The following DPP6 variants were observed in gnomAD, a reference collection of about 807,000 sequenced individuals.
DPP6 encodes the protein dipeptidyl peptidase like 6.
In DPP6, 69 loss-of-function variants were observed where a neutral mutation model predicts 122.6. The ratio of observed to expected loss-of-function variants is 0.56; its 90% CI spans 0.46 to 0.69. The LOEUF (loss-of-function observed/expected upper bound fraction) is 0.69, where lower values mean the gene tolerates loss of function less well. Ranked by LOEUF, DPP6 falls within the 30% of genes least tolerant of loss-of-function variation. The pLI is 0.00. For missense variants in DPP6, 928 were observed against 1,116.9 expected (o/e 0.83, Z 2.41); for synonymous variants, 418 against 433.1 (o/e 0.97, Z 0.43).
In DPP6 at chr7:154,581,259, G is replaced by T. The variant is rs184876155; in HGVS notation, c.627+14343G>T. On this transcript the variant is annotated intron_variant, in intron 5 of 25. Transcript: ENST00000377770. ...GAAGGCAGAGGTTAGTTGTTTGATC[G>T]TGCACTTGGGGAAGGTGGAGGGAGA... 2.9e-3 allele frequency among the ~76,000 whole-genome samples: 435 copies of T among 152,252 alleles called. 1 individual carries two copies. Among genetic ancestry groups the T allele is most frequent in the African/African-American group, 9.8e-3 (406 of 41,560 alleles).
chr7:154,037,088 C>T (rs1299093920), intron 1 of DPP6, among the ~76,000 whole-genome samples: 1 of 152,106 alleles, frequency 6.6e-6, no homozygotes, highest in South Asian at 2.1e-4. Context: ...AGTCTCTGAT[C>T]CAGACATTTG....
rs146051425 is a variant in DPP6 at position 154,803,781 on chromosome 7, G to A, written c.1408-83G>A. ...AGAATGGCAGCCCCTGTCACCTGGT[G>A]TCCAAAACAGTTGGAGGATGAAGAG... On this transcript the variant is annotated intron_variant, in intron 13 of 25. Coordinates refer to ENST00000377770, the MANE Select transcript of DPP6 (RefSeq NM_130797.4). The A allele has an allele frequency of 9.6e-5, 146 of 1,523,466 alleles. No individual in the cohort carries two copies. In the East Asian group the frequency reaches 3.3e-3, roughly 35 times the overall value. 94.4% of individuals were successfully genotyped at this position (1,523,466 alleles called of 1,614,324 possible).
chr7:153,835,510 G>A, the DPP6 span, among the ~76,000 whole-genome samples: 1 of 152,016 alleles, frequency 6.6e-6, no homozygotes, highest in African/African-American at 2.4e-5. Context: ...ATAAGATTCT[G>A]TGAACCAAAT....
At chr7:154,823,793 A>G (rs369629112) in intron 16 of DPP6, among the ~76,000 whole-genome samples, 13 of 152,300 alleles carry the variant, frequency 8.5e-5, no homozygotes, top group African/African-American at 3.1e-4. Flanking sequence ...TTCTTCTCTG[A>G]TACTGACTCA....
chr7:154,713,965 A>C (rs536819627), intron 7 of DPP6, among the ~76,000 whole-genome samples: 1 of 152,338 alleles, frequency 6.6e-6, no homozygotes, highest in Non-Finnish European at 1.5e-5. Flanking sequence ...TGTTATTTAC[A>C]AATTTCTTCC....
chr7:154,257,891 G>C (rs1253959663), intron 1 of DPP6, among the ~76,000 whole-genome samples: 1 of 152,144 alleles, frequency 6.6e-6, no homozygotes, highest in Non-Finnish European at 1.5e-5. Flanking sequence ...GGCTTCTGTT[G>C]GTTAGCAGAG....
At chr7:154,431,617 C>T (rs902934374) in intron 1 of DPP6, among the ~76,000 whole-genome samples, 1 of 150,300 alleles carries the variant, frequency 6.7e-6, no homozygotes, top group African/African-American at 2.5e-5. Flanking sequence ...TCACCACAAC[C>T]TCTACCTCCC....
intron 10 of DPP6, among the ~76,000 whole-genome samples, chr7:154,778,252 A>T (rs1020486417): frequency 1.3e-5 from 2 of 152,118 alleles, no homozygotes; most frequent in Non-Finnish European, 2.9e-5. Flanking sequence ...TGTGAGCACC[A>T]TGTGGAGACC....
chr7:154,118,122 T>C (rs1246903550), intron 1 of DPP6, among the ~76,000 whole-genome samples: 22 of 149,874 alleles, frequency 1.5e-4, no homozygotes, highest in Non-Finnish European at 4.4e-5. Context: ...AAGCTGTGCA[T>C]GATGATAAGG....
chr7:154,892,560 C>G lies in DPP6; in HGVS notation c.*80C>G. 1 of 1,556,738 alleles carries G rather than the reference C, an allele frequency of 6.4e-7. No homozygotes were observed. Among genetic ancestry groups the G allele is most frequent in the Non-Finnish European group, 8.7e-7 (1 of 1,146,742 alleles). On this transcript the variant is annotated 3_prime_UTR_variant, in exon 26 of 26. Transcript: ENST00000377770. ...GGGATTTCCCTGCCCTCCCTCTTCC[C>G]TCGGAGGGGCGGGGCGGGGCGGGGC...
chr7:153,952,158 A>G lies in DPP6; in HGVS notation c.51+64424A>G, dbSNP rs192615768. Among the ~76,000 whole-genome samples the G allele has an allele frequency of 4.6e-5, 7 of 152,348 alleles. No homozygotes were observed. The East Asian group carries it at 1.4e-3, about 29-fold the overall frequency. ...TTGTGGTAGAATGTAGACCTCTTAA[A>G]TACAAGACCCAGCTCCTGTTAGCCT... On this transcript the variant is annotated intron_variant, in intron 1 of 25. Transcript: ENST00000404039.
chr7:154,710,929 A>T (rs1359003410), intron 7 of DPP6, among the ~76,000 whole-genome samples: 1 of 152,218 alleles, frequency 6.6e-6, no homozygotes, highest in East Asian at 1.9e-4. Flanking sequence ...TCGCCCTATA[A>T]ATTATGTTCT....
At chr7:154,391,566 T>C (rs1234886637) in intron 1 of DPP6, among the ~76,000 whole-genome samples, 1 of 152,216 alleles carries the variant, frequency 6.6e-6, no homozygotes, top group Non-Finnish European at 1.5e-5. Flanking sequence ...CCTCCCTTAG[T>C]CCATCATTTG....
rs563389830 is a variant in DPP6, at chr7:154,852,105, C to T, written c.1667-1675C>T. ...TCTTTGGGCCCTGGACTAGGGTGTC[C>T]ACTCTGGGGCCTCTGCAGTGAGGCC... On this transcript the variant is annotated intron_variant, in intron 16 of 25. Transcript: ENST00000377770. Among the ~76,000 whole-genome samples, 20 of 152,308 alleles carry T rather than the reference C, an allele frequency of 1.3e-4. 1 individual carries two copies. In the South Asian group the frequency reaches 4.1e-3, roughly 32 times the overall value.
chr7:154,203,208 T>C (rs183992716), intron 1 of DPP6, among the ~76,000 whole-genome samples: 30 of 152,286 alleles, frequency 2.0e-4, no homozygotes, highest in Middle Eastern at 3.4e-3. Context: ...GCAGCTAGCA[T>C]TTAGAGTGCA....
intron 5 of DPP6, among the ~76,000 whole-genome samples, chr7:154,622,370 C>G (rs1365292732): frequency 6.6e-6 from 1 of 152,074 alleles, no homozygotes; most frequent in Non-Finnish European, 1.5e-5. Context: ...AGGTGGAGGC[C>G]CAATTGACCC....
Position 154,307,939 on chromosome 7 carries a change from G to A in DPP6, c.244-138275G>A, listed in dbSNP as rs145749302. Among the ~76,000 whole-genome samples, 866 of 151,514 alleles carry A rather than the reference G, an allele frequency of 5.7e-3. 7 individuals carry two copies. The highest frequency in any genetic ancestry group is 0.02 in the African/African-American group (830 of 41,300). On this transcript the variant is annotated intron_variant, in intron 1 of 25. Transcript: ENST00000377770. ...TTTGTGGATTGGTTTTGAAGCAGGG[G>A]GTCATTAAACTGTGCTAACTCAATG...
chr7:154,663,831 G>A (rs1215025720), intron 6 of DPP6, among the ~76,000 whole-genome samples: 1 of 123,760 alleles, frequency 8.1e-6, no homozygotes, highest in African/African-American at 2.7e-5. Context: ...TGGCGTATTG[G>A]GCGTAGTATT....
At chr7:154,005,810 T>C (rs1411215379) in intron 1 of DPP6, among the ~76,000 whole-genome samples, 1 of 151,798 alleles carries the variant, frequency 6.6e-6, no homozygotes, top group East Asian at 1.9e-4. Context: ...CACCTTCCGG[T>C]TGGACGAGCT....
Sources: gnomAD v4.1 joint callset for allele counts (sites outside exome capture counted in the v4.1 genomes callset) on GRCh38, gnomAD v4.1.1 for gene constraint, MANE v1.5 for transcripts, NCBI Gene and HGNC (gene_info 2026-07-23, HGNC 2026-07-21) for gene names.